The following SEMA3E variants were observed in gnomAD, a reference collection of about 807,000 sequenced individuals.
SEMA3E encodes the protein semaphorin-3E.
A neutral mutation model predicts 93.6 loss-of-function variants in SEMA3E; 49 were observed. The ratio of observed to expected loss-of-function variants is 0.52; its 90% CI spans 0.42 to 0.66. SEMA3E has a LOEUF of 0.66. Among genes scored for constraint, SEMA3E ranks in the 30% least tolerant of loss-of-function variants. The pLI is 0.00. For synonymous variants in SEMA3E, 363 were observed against 330.7 expected (o/e 1.10, Z -1.06); for missense variants, 906 against 964.8 (o/e 0.94, Z 0.81).
chr7:83,529,655 G>T (rs1791243131), intron 1 of SEMA3E, among the ~76,000 whole-genome samples: 1 of 152,110 alleles, frequency 6.6e-6, no homozygotes, highest in African/African-American at 2.4e-5. Flanking sequence ...AAAGATGTCA[G>T]AAAAAAGCTG....
At chr7:83,468,018 C>G (rs959358637) in intron 3 of SEMA3E, among the ~76,000 whole-genome samples, 1 of 152,182 alleles carries the variant, frequency 6.6e-6, no homozygotes, top group Admixed American at 6.5e-5. Context: ...AAATACTAAA[C>G]TCTTTTAGTG....
Position 83,365,355 on chromosome 7 carries a change from T to A in SEMA3E, c.*2231A>T, listed in dbSNP as rs749273871. ...TGTGTGTGTATAATTATATGTAAAA[T>A]TTAGTGGTCTCACCAAATTGTGGAC... is the stretch of plus-strand genomic sequence containing the variant. On this transcript the variant is annotated 3_prime_UTR_variant, in exon 17 of 17. Transcript: ENST00000643230. 6.6e-6 allele frequency: 1 copy of A among 152,312 alleles called. No individual in the cohort carries two copies. Among genetic ancestry groups the A allele is most frequent in the East Asian group, 1.9e-4 (1 of 5,188 alleles). 9.4% of individuals were successfully genotyped at this position (152,312 alleles called of 1,614,324 possible).
chr7:83,509,850 G>C (rs1318048809), intron 1 of SEMA3E, among the ~76,000 whole-genome samples: 1 of 152,132 alleles, frequency 6.6e-6, no homozygotes, highest in Non-Finnish European at 1.5e-5. Flanking sequence ...ATTAGATAAG[G>C]TACATACATA....
At chr7:83,460,427 G>A (rs1789585014) in intron 4 of SEMA3E, among the ~76,000 whole-genome samples, 1 of 151,846 alleles carries the variant, frequency 6.6e-6, no homozygotes, top group East Asian at 2.0e-4. Context: ...CTCCGGCACG[G>A]GTCATGGACT....
chr7:83,370,312 T>C (rs774939184), intron 16 of SEMA3E, among the ~76,000 whole-genome samples: 15 of 152,088 alleles, frequency 9.9e-5, no homozygotes, highest in Non-Finnish European at 1.9e-4. Flanking sequence ...CTGCCCTCCA[T>C]TTACTAACTT....
intron 4 of SEMA3E, among the ~76,000 whole-genome samples, chr7:83,447,498 A>G (rs1399860604): frequency 6.6e-6 from 1 of 152,192 alleles, no homozygotes; most frequent in Non-Finnish European, 1.5e-5. Context: ...AGATCATGCC[A>G]CTGCACTCCA....
chr7:83,427,183 C>T (rs73707832), intron 4 of SEMA3E, among the ~76,000 whole-genome samples: 23 of 141,128 alleles, frequency 1.6e-4, no homozygotes, highest in African/African-American at 6.5e-4. Context: ...TTTCTTTCTT[C>T]CTTCCTTCCT....
intron 2 of SEMA3E, among the ~76,000 whole-genome samples, chr7:83,478,364 A>T (rs1790066791): frequency 6.6e-6 from 1 of 152,194 alleles, no homozygotes; most frequent in Non-Finnish European, 1.5e-5. Flanking sequence ...TCCCCAAAAT[A>T]TGGCTTAAAT....
At position 83,568,807 on chromosome 7, in the gene SEMA3E, C is replaced by CT. The variant is rs367906318; in HGVS notation, c.116-78534dup. Among the ~76,000 whole-genome samples, 324 of 152,168 alleles carry CT rather than the reference C, an allele frequency of 2.1e-3. 1 individual carries two copies. Among genetic ancestry groups the CT allele is most frequent in the African/African-American group, 7.6e-3 (315 of 41,550 alleles). On this transcript the variant is annotated intron_variant, in intron 1 of 16. Coordinates refer to ENST00000643230, the MANE Select transcript of SEMA3E (RefSeq NM_012431.3). ...AGCTGAAAACCTTTTTCTCTAAGAA[C>CT]TGGAACAAGGCAAGGATGCCCTCTT...
At chr7:83,531,180 T>C (rs17446730) in intron 1 of SEMA3E, among the ~76,000 whole-genome samples, 79,863 of 151,474 alleles carry the variant, frequency 0.53, 23,401 homozygotes, top group Middle Eastern at 0.69. Context: ...AATGACTCTA[T>C]AATTAAGCAT....
intron 1 of SEMA3E, among the ~76,000 whole-genome samples, chr7:83,547,790 T>A (rs1180015121): frequency 6.6e-6 from 1 of 152,108 alleles, no homozygotes; most frequent in African/African-American, 2.4e-5. Flanking sequence ...TTCAGAGGGG[T>A]ATATCCTGCC....
intron 1 of SEMA3E, chr7:83,612,667 C>G (rs1371350698): frequency 6.6e-6 from 1 of 151,970 alleles, no homozygotes; most frequent in Non-Finnish European, 1.5e-5. Context: ...CTTAATTTAG[C>G]CCTGGATTTT....
chr7:83,557,578 T>C (rs1791945162), intron 1 of SEMA3E, among the ~76,000 whole-genome samples: 1 of 152,074 alleles, frequency 6.6e-6, no homozygotes, highest in Admixed American at 6.6e-5. Flanking sequence ...AAACAAAGCA[T>C]TAGTTAATAT....
At chr7:83,566,352 C>T (rs941215081) in intron 1 of SEMA3E, among the ~76,000 whole-genome samples, 1 of 152,016 alleles carries the variant, frequency 6.6e-6, no homozygotes, top group Non-Finnish European at 1.5e-5. Flanking sequence ...TCTTTTAACC[C>T]TTTCTCGTAT....
intron 3 of SEMA3E, among the ~76,000 whole-genome samples, chr7:83,467,065 T>TTC (rs1469885440): frequency 6.8e-6 from 1 of 146,604 alleles, no homozygotes; most frequent in African/African-American, 2.5e-5. Flanking sequence ...GTCTTTTTTT[T>TTC]TTTTTTTTTT....
At chr7:83,549,660 A>C (rs1228425724) in intron 1 of SEMA3E, among the ~76,000 whole-genome samples, 2 of 152,114 alleles carry the variant, frequency 1.3e-5, no homozygotes, top group African/African-American at 2.4e-5. Context: ...ATTACTATTA[A>C]AGATAAACAG....
At chr7:83,574,894 C>G (rs1562839319) in intron 1 of SEMA3E, among the ~76,000 whole-genome samples, 1 of 152,156 alleles carries the variant, frequency 6.6e-6, no homozygotes, top group Non-Finnish European at 1.5e-5. Flanking sequence ...TGTTCAACCA[C>G]AGAACCACGA....
chr7:83,635,072 T>A (rs898010906), intron 1 of SEMA3E, among the ~76,000 whole-genome samples: 1 of 152,062 alleles, frequency 6.6e-6, no homozygotes, highest in African/African-American at 2.4e-5. Flanking sequence ...TTCTAACCAA[T>A]TATAAAGTAT....
At chr7:83,519,880 C>T (rs561628949) in intron 1 of SEMA3E, among the ~76,000 whole-genome samples, 124 of 152,140 alleles carry the variant, frequency 8.2e-4, no homozygotes, top group South Asian at 2.9e-3. Flanking sequence ...AAGTTACTTG[C>T]CCAAGGACAC....
Sources: gnomAD v4.1 joint callset for allele counts (sites outside exome capture counted in the v4.1 genomes callset) on GRCh38, gnomAD v4.1.1 for gene constraint, MANE v1.5 for transcripts, NCBI Gene and HGNC (gene_info 2026-07-23, HGNC 2026-07-21) for gene names.